ENPP5: variants seen among roughly 807,000 people sequenced by gnomAD.
ENPP5 encodes ectonucleotide pyrophosphatase/phosphodiesterase family member 5.
In ENPP5, 27 loss-of-function variants were observed where a neutral mutation model predicts 33.7. That is an observed-to-expected ratio of 0.80 (90% CI 0.59 to 1.11). The LOEUF is 1.11. Among genes scored for constraint, ENPP5 ranks in the 50% least tolerant of loss-of-function variants. The pLI is 0.00. For synonymous variants in ENPP5, 199 were observed against 200.5 expected (o/e 0.99, Z 0.06); for missense variants, 552 against 579.2 (o/e 0.95, Z 0.48).
At chr6:46,168,768 A>T (rs550624717) in intron 2 of ENPP5, among the ~76,000 whole-genome samples, 11 of 151,278 alleles carry the variant, frequency 7.3e-5, no homozygotes, top group Non-Finnish European at 1.6e-4. Context: ...CATATATATT[A>T]TATATATATG....
chr6:46,168,806 T>A lies in ENPP5; in HGVS notation c.-35-509A>T, dbSNP rs374407521. Among the ~76,000 whole-genome samples the A allele has an allele frequency of 5.3e-5, 8 of 152,042 alleles. No homozygotes were observed. In the East Asian group the frequency reaches 1.5e-3, roughly 29 times the overall value. On this transcript the variant is annotated intron_variant, in intron 2 of 4. Coordinates refer to ENST00000371383, the MANE Select transcript of ENPP5 (RefSeq NM_001290072.2). ...TATGCACACTTCTATTTTCAACCCC[T>A]ATGTTTGGTTAATCACAGACAAAAG...
In ENPP5 at chr6:46,160,877, C is replaced by A. The variant is rs1232772412; in HGVS notation, c.*449G>T. ...TATTAGAAATTTCCTTCAGTTTGAA[C>A]AATGCGTAACAAGTATTCTGTGACA... On this transcript the variant is annotated 3_prime_UTR_variant, in exon 5 of 5. Transcript: ENST00000371383. 6.4e-6 allele frequency: 1 copy of A among 157,304 alleles called. No individual in the cohort carries two copies. Among genetic ancestry groups the A allele is most frequent in the African/African-American group, 2.4e-5 (1 of 41,460 alleles). 9.7% of individuals were successfully genotyped at this position (157,304 alleles called of 1,614,324 possible). A position where few individuals can be genotyped will look rare whatever the true frequency, so the allele number is the denominator to read the frequency against.
Position 46,165,482 on chromosome 6 carries a change from C to G in ENPP5, c.911G>C (p.Arg304Thr). 6.2e-7 allele frequency: 1 copy of G among 1,611,742 alleles called. No homozygotes were observed. The highest frequency in any genetic ancestry group is 8.5e-7 in the Non-Finnish European group (1 of 1,179,538). The change falls in exon 4 of 5, where the codon AGG (arginine) becomes ACG (threonine). Residue 304 changes from arginine to threonine, a missense_variant. Transcript: ENST00000371383. ...TCGACTGTTGTATTTGTAATGCCAC[C>G]TTTCTGGAACGTCTTCTTTTTTGTA... Reference protein sequence around the residue: ...TVYKKEDVPERWHYKYNSRIQ... With the variant: ...TVYKKEDVPETWHYKYNSRIQ...
At chr6:46,168,765 AT>A (rs1266580431) in intron 2 of ENPP5, among the ~76,000 whole-genome samples, 1 of 151,774 alleles carries the variant, frequency 6.6e-6, no homozygotes, top group Admixed American at 6.6e-5. Flanking sequence ...ATACATATAT[AT>A]TATATATATA....
chr6:46,166,347 G>T (rs563723090), intron 3 of ENPP5, among the ~76,000 whole-genome samples: 1 of 150,782 alleles, frequency 6.6e-6, no homozygotes, highest in South Asian at 2.1e-4. Context: ...AAGGAGGAGT[G>T]CAGTGATATG....
rs1389675132 is a variant in ENPP5 at position 46,167,705 on chromosome 6, A to G, written c.558T>C (p.Tyr186=). Residue 186 remains tyrosine (Y), a synonymous_variant, in exon 3 of 5, where the codon TAT becomes TAC. Coordinates refer to ENST00000371383, the MANE Select transcript of ENPP5 (RefSeq NM_001290072.2). ...GGCCCATGTCATCAGGGTCTTCCCA[A>G]TAGAGAAGACCAAGATTTATGGGCT... ...SKEPINLGLL[Y]WEDPDDMGHH... is the part of the protein sequence containing the mutation. 9 of 1,614,090 alleles carry G rather than the reference A, an allele frequency of 5.6e-6. No homozygotes were observed. The East Asian group carries it at 6.7e-5, about 12-fold the overall frequency.
At position 46,161,320 on chromosome 6, in the gene ENPP5, G is replaced by A. The variant is rs1764384043; in HGVS notation, c.*6C>T. The stretch of plus-strand genomic sequence containing the variant: ...CTTCAATATGCAAATCCACTTCAAA[G>A]TAACATTAGGCTTGTAATAATGGTT... On this transcript the variant is annotated 3_prime_UTR_variant, in exon 5 of 5. Transcript: ENST00000371383. 1.3e-6 allele frequency: 2 copies of A among 1,599,774 alleles called. No homozygotes were observed. Among genetic ancestry groups the A allele is most frequent in the African/African-American group, 2.7e-5 (2 of 74,436 alleles).
chr6:46,165,472 GT>G lies in ENPP5; in HGVS notation c.920del (p.Tyr307SerfsTer11). ...TTGGTTGAATTCGACTGTTGTATTT[GT>G]AATGCCACCTTTCTGGAACGTCTTC... ...KKEDVPERWH[Y>X]KYNSRIQPII... On this transcript the variant is annotated frameshift_variant, in exon 4 of 5. Transcript: ENST00000371383. LOFTEE classifies it high-confidence loss of function. The G allele has an allele frequency of 6.2e-7, 1 of 1,611,540 alleles. No individual in the cohort carries two copies. The highest frequency in any genetic ancestry group is 8.5e-7 in the Non-Finnish European group (1 of 1,179,496).
At chr6:46,169,756 T>C (rs1428635164) in intron 2 of ENPP5, among the ~76,000 whole-genome samples, 5 of 152,166 alleles carry the variant, frequency 3.3e-5, no homozygotes, top group African/African-American at 1.2e-4. Flanking sequence ...TAGGTACAGG[T>C]AAATAAAAAC....
rs746870365 is a variant in ENPP5, at chr6:46,167,895, A to G, written c.368T>C (p.Ile123Thr). Residue 123 changes from isoleucine (I) to threonine (T), a missense_variant, in exon 3 of 5, where the codon ATA (isoleucine) becomes ACA (threonine). Ile to Thr is a moderately conservative substitution (Grantham distance 89, BLOSUM62 -1). Coordinates refer to ENST00000371383, the MANE Select transcript of ENPP5 (RefSeq NM_001290072.2). ...TCCTGCCCTCTGGTTTGTGATCCATATTGGTGTCGCTTCTTCCCAAAACTT... is the reference window on the plus strand; with the variant it reads ...TCCTGCCCTCTGGTTTGTGATCCATGTTGGTGTCGCTTCTTCCCAAAACTT... ...DSKFWEEATP[I>T]WITNQRAGHT... is the part of the protein sequence containing the mutation. 1.2e-6 allele frequency: 2 copies of G among 1,614,026 alleles called. No homozygotes were observed. Among genetic ancestry groups the G allele is most frequent in the African/African-American group, 1.3e-5 (1 of 74,894 alleles).
At chr6:46,165,650 A>C in intron 3 of ENPP5, 87 bp from the exon 4 acceptor site, 1 of 1,067,704 alleles carries the variant, frequency 9.4e-7, no homozygotes, top group Non-Finnish European at 1.3e-6. Context: ...GGAGGTGAAA[A>C]ACCAGAGAGC....
At chr6:46,166,101 C>A (rs543142178) in intron 3 of ENPP5, among the ~76,000 whole-genome samples, 1 of 152,248 alleles carries the variant, frequency 6.6e-6, no homozygotes, top group East Asian at 1.9e-4. Context: ...GAGGTTGCAT[C>A]CTTATCTTCT....
chr6:46,168,878 AG>A, intron 2 of ENPP5, among the ~76,000 whole-genome samples: 1 of 152,174 alleles, frequency 6.6e-6, no homozygotes, highest in East Asian at 1.9e-4. Context: ...GGTTTCTTGA[AG>A]TGAAATAACA....
At chr6:46,165,717 C>A (rs1190723236) in intron 3 of ENPP5, among the ~76,000 whole-genome samples, 154 bp from the exon 4 acceptor site, 1 of 152,092 alleles carries the variant, frequency 6.6e-6, no homozygotes, top group Admixed American at 6.5e-5. Flanking sequence ...GGAGGGGAAA[C>A]TAGGAAATAA....
At chr6:46,169,259 A>C (rs1340774345) in intron 2 of ENPP5, among the ~76,000 whole-genome samples, 1 of 152,176 alleles carries the variant, frequency 6.6e-6, no homozygotes, top group Non-Finnish European at 1.5e-5. Context: ...TCCAGCAGGG[A>C]TCTTTTGTTC....
At chr6:46,164,422 T>C (rs1288549234) in intron 4 of ENPP5, among the ~76,000 whole-genome samples, 1 of 152,208 alleles carries the variant, frequency 6.6e-6, no homozygotes, top group Non-Finnish European at 1.5e-5. Context: ...GCATTAGGGC[T>C]TAACTATTCT....
At chr6:46,166,286 GTCTC>G (rs1190592217) in intron 3 of ENPP5, among the ~76,000 whole-genome samples, 2 of 133,734 alleles carry the variant, frequency 1.5e-5, no homozygotes, top group African/African-American at 2.9e-5. Flanking sequence ...TTCCCCCTCA[GTCTC>G]TCTTTTTCTT....
chr6:46,160,532 A>T lies in ENPP5; in HGVS notation c.*794T>A, dbSNP rs14781. The stretch of plus-strand genomic sequence containing the variant: ...CAGGCCATTGCTGAACTATATAGAA[A>T]AAAAGTATATTCATGGTGTCTTCAT... On this transcript the variant is annotated 3_prime_UTR_variant, in exon 5 of 5. Coordinates refer to ENST00000371383, the MANE Select transcript of ENPP5 (RefSeq NM_001290072.2). The T allele has an allele frequency of 6.6e-6, 1 of 152,022 alleles. No individual in the cohort carries two copies. The highest frequency in any genetic ancestry group is 1.9e-4 in the East Asian group (1 of 5,196). The allele number at this position is 152,022 out of a possible 1,614,324, so 9.4% of individuals were successfully genotyped here. A position where few individuals can be genotyped will look rare whatever the true frequency, so the allele number is the denominator to read the frequency against.
At chr6:46,169,205 A>C (rs1027946238) in intron 2 of ENPP5, among the ~76,000 whole-genome samples, 9 of 152,300 alleles carry the variant, frequency 5.9e-5, no homozygotes, top group African/African-American at 2.2e-4. Context: ...GTATGGATAA[A>C]CAATAGATAT....
Sources: allele counts gnomAD v4.1 joint callset (sites outside exome capture counted in the v4.1 genomes callset), GRCh38; gene constraint gnomAD v4.1.1; transcripts MANE v1.5; gene names NCBI Gene and HGNC (gene_info 2026-07-23, HGNC 2026-07-21).